The following SCHIP1 variants were observed in gnomAD, a reference collection of about 807,000 sequenced individuals.
The protein encoded by SCHIP1 is schwannomin interacting protein 1, also known as schwannomin-interacting protein 1.
Under a neutral mutation model 29.7 loss-of-function variants are expected in SCHIP1, and 8 were observed. The ratio of observed to expected loss-of-function variants is 0.27; its 90% confidence interval spans 0.16 to 0.49. The LOEUF is 0.49. Among genes scored for constraint, SCHIP1 ranks in the 20% least tolerant of loss-of-function variants. The pLI, the probability that SCHIP1 is intolerant of heterozygous loss-of-function variation, is 0.99. For missense variants in SCHIP1, 193 were observed against 294.6 expected, an observed-to-expected ratio of 0.66 and a Z score of 2.52; for synonymous variants, 76 against 94.9, an observed-to-expected ratio of 0.80 and a Z score of 1.16.
chr3:159,515,059 A>C, the SCHIP1 span, among the ~76,000 whole-genome samples: 13 of 152,302 alleles, frequency 8.5e-5, 1 homozygote, highest in African/African-American at 2.9e-4. Flanking sequence ...GAAAATGATC[A>C]CATCTCAGCA....
the SCHIP1 span, among the ~76,000 whole-genome samples, chr3:159,594,027 C>T: frequency 6.6e-6 from 1 of 152,218 alleles, no homozygotes; most frequent in Non-Finnish European, 1.5e-5. Flanking sequence ...CACTCTGGAG[C>T]TGCTCACAGC....
chr3:159,863,752 G>A (rs1714306639), intron 1 of SCHIP1, among the ~76,000 whole-genome samples: 1 of 152,204 alleles, frequency 6.6e-6, no homozygotes, highest in Admixed American at 6.5e-5. Context: ...GAGGGGGAAA[G>A]AGAGTGTATT....
chr3:159,437,384 T>C, the SCHIP1 span, among the ~76,000 whole-genome samples: 332 of 152,280 alleles, frequency 2.2e-3, 1 homozygote, highest in African/African-American at 7.8e-3. Flanking sequence ...GATTTTTTTC[T>C]TGACTCTCAC....
the SCHIP1 span, among the ~76,000 whole-genome samples, chr3:159,726,883 T>C: frequency 6.6e-6 from 1 of 152,210 alleles, no homozygotes; most frequent in South Asian, 2.1e-4. Flanking sequence ...ATGCCAACTA[T>C]TTAGCAGGTG....
the SCHIP1 span, among the ~76,000 whole-genome samples, chr3:159,733,897 T>C: frequency 6.6e-6 from 1 of 152,176 alleles, no homozygotes. Flanking sequence ...GGCTTTACTT[T>C]GGACCTTTCT....
chr3:159,327,232 T>C, the SCHIP1 span, among the ~76,000 whole-genome samples: 7 of 152,202 alleles, frequency 4.6e-5, no homozygotes, highest in African/African-American at 1.4e-4. Context: ...TGCCAGATCA[T>C]GGGGCAAGTA....
the SCHIP1 span, among the ~76,000 whole-genome samples, chr3:159,443,693 G>A: frequency 8.5e-5 from 13 of 152,146 alleles, no homozygotes; most frequent in Non-Finnish European, 1.5e-4. Context: ...ATTTTTAGTA[G>A]AGACAGGGTT....
the SCHIP1 span, among the ~76,000 whole-genome samples, chr3:159,357,679 A>G: frequency 2.0e-5 from 3 of 152,210 alleles, no homozygotes; most frequent in South Asian, 6.2e-4. Context: ...TTTTTTCTTC[A>G]TCATATCAAT....
the SCHIP1 span, among the ~76,000 whole-genome samples, chr3:159,310,223 G>A: frequency 1.3e-5 from 2 of 152,216 alleles, no homozygotes; most frequent in Admixed American, 6.5e-5. Flanking sequence ...TTAACAGCAG[G>A]AGATACATGG....
At chr3:159,828,358 C>T in the SCHIP1 span, among the ~76,000 whole-genome samples, 2 of 111,722 alleles carry the variant, frequency 1.8e-5, no homozygotes, top group Non-Finnish European at 3.4e-5. Context: ...ATTAGTGTAA[C>T]CTTTATATAT....
chr3:159,376,404 A>G, the SCHIP1 span, among the ~76,000 whole-genome samples: 1 of 152,140 alleles, frequency 6.6e-6, no homozygotes, highest in Non-Finnish European at 1.5e-5. Context: ...CCTGCAGAGT[A>G]CTATTCTGCC....
the SCHIP1 span, among the ~76,000 whole-genome samples, chr3:159,816,456 T>C: frequency 1.3e-5 from 2 of 149,780 alleles, no homozygotes; most frequent in Non-Finnish European, 3.0e-5. Context: ...TTAATTTTCA[T>C]AGAGATGGGG....
the SCHIP1 span, among the ~76,000 whole-genome samples, chr3:159,819,141 C>T: frequency 5.2e-4 from 79 of 152,312 alleles, no homozygotes; most frequent in African/African-American, 1.9e-3. Flanking sequence ...TTCCTCACCA[C>T]GTGGCCCTCT....
At chr3:159,814,000 G>T in the SCHIP1 span, among the ~76,000 whole-genome samples, 1 of 152,076 alleles carries the variant, frequency 6.6e-6, no homozygotes, top group Non-Finnish European at 1.5e-5. Flanking sequence ...ATGTTGTCAG[G>T]CAGCCCAGAT....
the SCHIP1 span, among the ~76,000 whole-genome samples, chr3:159,630,979 G>A: frequency 1.3e-4 from 19 of 151,852 alleles, no homozygotes; most frequent in African/African-American, 4.6e-4. Flanking sequence ...TGAATTACAA[G>A]GAAAGTACCA....
At chr3:159,443,380 G>T in the SCHIP1 span, among the ~76,000 whole-genome samples, 2 of 152,106 alleles carry the variant, frequency 1.3e-5, no homozygotes. Context: ...AGTAATAGGA[G>T]TATTTTTTTC....
At chr3:159,553,994 GTGTGTGTGTGTGTGTGTGTGTGTGTT>G in the SCHIP1 span, among the ~76,000 whole-genome samples, 1 of 124,534 alleles carries the variant, frequency 8.0e-6, no homozygotes, top group African/African-American at 4.2e-5. Context: ...GTGTGTGTGT[GTGTGTGTGTGTGTGTGTGTGTGTGTT>G]TGTGTATGTG....
At chr3:159,712,998 A>G in the SCHIP1 span, among the ~76,000 whole-genome samples, 1 of 151,282 alleles carries the variant, frequency 6.6e-6, no homozygotes, top group Non-Finnish European at 1.5e-5. Context: ...TCTACTAAAA[A>G]TACAAAATTA....
the SCHIP1 span, among the ~76,000 whole-genome samples, chr3:159,708,285 G>A: frequency 6.6e-6 from 1 of 152,210 alleles, no homozygotes; most frequent in African/African-American, 2.4e-5. Flanking sequence ...CATTCAAGAT[G>A]AGTCTCCAGA....
Sources: gnomAD v4.1 joint callset for allele counts (sites outside exome capture counted in the v4.1 genomes callset) on GRCh38, gnomAD v4.1.1 for gene constraint, MANE v1.5 for transcripts, NCBI Gene and HGNC (gene_info 2026-07-23, HGNC 2026-07-21) for gene names.